The following FOCAD variants were observed in gnomAD, a reference collection of about 807,000 sequenced individuals.
The protein encoded by FOCAD is focadhesin.
In FOCAD, 198 loss-of-function variants were observed where a neutral mutation model predicts 225.6. That is an observed-to-expected ratio of 0.88 (90% CI 0.78 to 0.99). The LOEUF is 0.99. FOCAD is among the 50% of genes least tolerant of loss of function. The pLI, the probability that FOCAD is intolerant of heterozygous loss-of-function variation, is 0.00. For synonymous variants in FOCAD, 897 were observed against 755.0 expected, an observed-to-expected ratio of 1.19 and a Z score of -3.08; for missense variants, 2,713 against 2,123.6, an observed-to-expected ratio of 1.28 and a Z score of -5.46.
chr9:20,750,146 A>C lies in FOCAD; in HGVS notation c.393-7944A>C, dbSNP rs145380581. Among the ~76,000 whole-genome samples, 946 of 152,250 alleles carry C rather than the reference A, an allele frequency of 6.2e-3. 10 individuals carry two copies. Among genetic ancestry groups the C allele is most frequent in the African/African-American group, 0.022 (903 of 41,550 alleles). ...ACAATGTGCTAGAGGGACTGTGTTA[A>C]ATTGGCTTCCCATGATCCTGTTTAT... On this transcript the variant is annotated intron_variant, in intron 5 of 43. Transcript: ENST00000338382.
chr9:20,686,199 C>G (rs967902723), intron 1 of FOCAD, among the ~76,000 whole-genome samples: 8 of 152,198 alleles, frequency 5.3e-5, no homozygotes, highest in African/African-American at 1.4e-4. Flanking sequence ...CTCTGTCGCC[C>G]AGGCTGGAGT....
At chr9:20,929,983 A>T (rs926872110) in intron 27 of FOCAD, among the ~76,000 whole-genome samples, 2 of 152,188 alleles carry the variant, frequency 1.3e-5, no homozygotes, top group Non-Finnish European at 2.9e-5. Context: ...GATATCATTG[A>T]AAATGAGAGG....
At chr9:20,876,694 G>T (rs1465011895) in intron 19 of FOCAD, among the ~76,000 whole-genome samples, 1 of 152,140 alleles carries the variant, frequency 6.6e-6, no homozygotes, top group Non-Finnish European at 1.5e-5. Flanking sequence ...TATTAGAGAA[G>T]TATAAAAAGT....
intron 15 of FOCAD, among the ~76,000 whole-genome samples, chr9:20,857,523 C>G (rs1357824391): frequency 2.6e-5 from 4 of 151,650 alleles, no homozygotes; most frequent in Non-Finnish European, 1.5e-5. Flanking sequence ...AATATGAGAT[C>G]ATATCATTTG....
Position 20,938,239 on chromosome 9 carries a change from C to G in FOCAD, c.3407+5136C>G, listed in dbSNP as rs545943982. ...GCCATTCCATTACTGGGTATATACC[C>G]AAAGGTTTATAAATCATGCTGCTAT... On this transcript the variant is annotated intron_variant, in intron 28 of 43. Coordinates refer to ENST00000338382, the MANE Select transcript of FOCAD (RefSeq NM_001375567.1). Among the ~76,000 whole-genome samples the G allele has an allele frequency of 1.5e-3, 223 of 152,206 alleles. 3 individuals carry two copies. The highest frequency in any genetic ancestry group is 3.1e-3 in the East Asian group (16 of 5,172).
chr9:20,758,118 C>A lies in FOCAD; in HGVS notation c.421C>A (p.Leu141Ile). ...TCATCCTCATCCTTTGATAACTGTG[C>A]TTGAACACAGACCTGATTGCTGGCC... Reference protein sequence around the residue: ...RNHPHPLITVLEHRPDCWPVF... With the variant: ...RNHPHPLITVIEHRPDCWPVF... Residue 141 changes from leucine to isoleucine, a missense_variant, in exon 6 of 44, where the codon CTT (leucine) becomes ATT (isoleucine). By Grantham distance (5) the Leu-to-Ile change is conservative (BLOSUM62 2). Transcript: ENST00000338382. The A allele has an allele frequency of 6.2e-7, 1 of 1,611,500 alleles. No homozygotes were observed. Among genetic ancestry groups the A allele is most frequent in the Non-Finnish European group, 8.5e-7 (1 of 1,178,956 alleles).
chr9:20,958,781 C>T (rs1318499485), intron 35 of FOCAD, among the ~76,000 whole-genome samples: 5 of 152,244 alleles, frequency 3.3e-5, no homozygotes, highest in Non-Finnish European at 7.4e-5. Flanking sequence ...TGAGTGAGAA[C>T]ATGTGCTATT....
chr9:20,935,070 A>G (rs1167384919), intron 28 of FOCAD, among the ~76,000 whole-genome samples: 1 of 152,198 alleles, frequency 6.6e-6, no homozygotes, highest in Non-Finnish European at 1.5e-5. Context: ...CATTCAGTGC[A>G]GTTCTCATCA....
chr9:20,855,399 C>T (rs1828069577), intron 15 of FOCAD, among the ~76,000 whole-genome samples: 1 of 151,284 alleles, frequency 6.6e-6, no homozygotes, highest in Non-Finnish European at 1.5e-5. Flanking sequence ...AGTGTTTTTT[C>T]CTTGTCTCTG....
chr9:20,696,725 T>G (rs1159493478), intron 1 of FOCAD, among the ~76,000 whole-genome samples: 1 of 152,102 alleles, frequency 6.6e-6, no homozygotes, highest in Non-Finnish European at 1.5e-5. Flanking sequence ...AGATTGCTTG[T>G]GCCCAGGAGA....
chr9:20,930,340 A>G (rs1027248280), intron 27 of FOCAD, among the ~76,000 whole-genome samples: 3 of 152,224 alleles, frequency 2.0e-5, no homozygotes, highest in East Asian at 1.9e-4. Context: ...AATTTTATAT[A>G]TCTACATTGA....
At chr9:20,934,671 T>A (rs920663174) in intron 28 of FOCAD, among the ~76,000 whole-genome samples, 5 of 152,172 alleles carry the variant, frequency 3.3e-5, no homozygotes, top group African/African-American at 1.2e-4. Flanking sequence ...AATCAGGTAA[T>A]GTGATGCCTC....
At position 20,948,839 on chromosome 9, in the gene FOCAD, C is replaced by G. The variant is rs1837429454; in HGVS notation, c.3799-12C>G. 1 of 1,613,118 alleles carries G rather than the reference C, an allele frequency of 6.2e-7. No homozygotes were observed. Among genetic ancestry groups the G allele is most frequent in the Non-Finnish European group, 8.5e-7 (1 of 1,179,300 alleles). ...GATTCCCTCTTTTCATATTCTGATG[C>G]TTTGTTTTCAGGGCACTCCCACAAT... On this transcript the variant is annotated splice_polypyrimidine_tract_variant and intron_variant, in intron 31 of 43. Coordinates refer to ENST00000338382, the MANE Select transcript of FOCAD (RefSeq NM_001375567.1).
In FOCAD at chr9:20,866,916, T is replaced by A; in HGVS notation, c.2107-13T>A. 1 of 885,978 alleles carries A rather than the reference T, an allele frequency of 1.1e-6. No individual in the cohort carries two copies. The highest frequency in any genetic ancestry group is 1.7e-6 in the Non-Finnish European group (1 of 600,118). 54.9% of individuals were successfully genotyped at this position (885,978 alleles called of 1,614,324 possible). A position where few individuals can be genotyped will look rare whatever the true frequency, so the allele number is the denominator to read the frequency against. On this transcript the variant is annotated splice_polypyrimidine_tract_variant and intron_variant, in intron 17 of 43. Coordinates refer to ENST00000338382, the MANE Select transcript of FOCAD (RefSeq NM_001375567.1). Reference sequence around the variant, plus strand: ...TTTTTTTTTTTTTTTTTTTTTTTTTTTACCCTATCTAGGACCCAATTGTAG... The same window carrying A: ...TTTTTTTTTTTTTTTTTTTTTTTTTATACCCTATCTAGGACCCAATTGTAG...
intron 11 of FOCAD, among the ~76,000 whole-genome samples, chr9:20,790,501 G>T (rs1820407454): frequency 2.0e-5 from 3 of 152,246 alleles, no homozygotes; most frequent in Admixed American, 1.3e-4. Context: ...ACTGAGTGCA[G>T]TGACTTACGC....
Position 20,986,334 on chromosome 9 carries a change from A to G in FOCAD, c.4775A>G (p.Gln1592Arg), listed in dbSNP as rs1265303339. The change falls in exon 40 of 44, where the codon CAA becomes CGA. Residue 1592 changes from glutamine (Q) to arginine (R), a missense_variant. Gln to Arg is a conservative substitution (Grantham distance 43). Coordinates refer to ENST00000338382, the MANE Select transcript of FOCAD (RefSeq NM_001375567.1). The part of the protein sequence containing the change: ...AAFVKLYLVS[Q>R]GRFPLVNLTD... ...TTTGTCAAACTGTACTTAGTCTCTCAAGGACGATTCCCCTTGGTGAACCTG... is the reference window on the plus strand; with the variant it reads ...TTTGTCAAACTGTACTTAGTCTCTCGAGGACGATTCCCCTTGGTGAACCTG... 1 of 1,520,950 alleles carries G rather than the reference A, an allele frequency of 6.6e-7. No homozygotes were observed. Among genetic ancestry groups the G allele is most frequent in the East Asian group, 2.8e-5 (1 of 35,422 alleles). The allele number at this position is 1,520,950 out of a possible 1,614,324, so 94.2% of individuals were successfully genotyped here. A position where few individuals can be genotyped will look rare whatever the true frequency, so the allele number is the denominator to read the frequency against.
intron 9 of FOCAD, among the ~76,000 whole-genome samples, chr9:20,779,704 C>T (rs1489865033): frequency 6.6e-6 from 1 of 151,630 alleles, no homozygotes; most frequent in Admixed American, 6.6e-5. Flanking sequence ...GAGCCGAGAT[C>T]GCGCCATTGC....
intron 5 of FOCAD, among the ~76,000 whole-genome samples, chr9:20,741,655 C>T (rs1371654373): frequency 7.4e-6 from 1 of 135,282 alleles, no homozygotes; most frequent in Non-Finnish European, 1.6e-5. Context: ...CAGAGTAAAG[C>T]TTTCCAAATC....
chr9:20,758,683 A>G (rs188637443), intron 6 of FOCAD, among the ~76,000 whole-genome samples: 1 of 152,152 alleles, frequency 6.6e-6, no homozygotes, highest in Admixed American at 6.6e-5. Flanking sequence ...TGTCCCTACA[A>G]AGGACCTGAA....
Sources: gnomAD v4.1 joint callset for allele counts (sites outside exome capture counted in the v4.1 genomes callset) on GRCh38, gnomAD v4.1.1 for gene constraint, MANE v1.5 for transcripts, NCBI Gene and HGNC (gene_info 2026-07-23, HGNC 2026-07-21) for gene names.